RBFOX1: variants seen among roughly 807,000 people sequenced by gnomAD.
The protein encoded by RBFOX1 is RNA binding fox-1 homolog 1, also known as RNA binding protein fox-1 homolog 1.
A neutral mutation model predicts 57.7 loss-of-function variants in RBFOX1; 8 were observed. That is an observed-to-expected ratio of 0.14 (90% CI 0.08 to 0.25). RBFOX1 has a LOEUF of 0.25. RBFOX1 is among the 10% of genes least tolerant of loss of function. The probability of loss-of-function intolerance (pLI) is 1.00; values close to 1 mark genes in which losing one functional copy is unlikely to be tolerated. For synonymous variants in RBFOX1, 326 were observed against 222.4 expected, an observed-to-expected ratio of 1.47 and a Z score of -4.15; for missense variants, 611 against 548.5, an observed-to-expected ratio of 1.11 and a Z score of -1.14.
At chr16:6,090,093 T>G (rs1249995440) in intron 1 of RBFOX1, 2 of 152,226 alleles carry the variant, frequency 1.3e-5, no homozygotes, top group Non-Finnish European at 2.9e-5. Context: ...GCCTCCTGCA[T>G]GCCTTGGCTC....
Position 5,439,690 on chromosome 16 carries a change from C to T in RBFOX1, c.220-27526C>T, listed in dbSNP as rs149029528. Among the ~76,000 whole-genome samples the T allele has an allele frequency of 6.1e-3, 921 of 152,160 alleles. 12 individuals carry two copies. The highest frequency in any genetic ancestry group is 0.021 in the African/African-American group (853 of 41,514). ...TCACTCCTGGCCTCAAGTGATTCACCCGCCTTGACCTCCCAAAGTGCTGGG... is the reference window on the plus strand; with the variant it reads ...TCACTCCTGGCCTCAAGTGATTCACTCGCCTTGACCTCCCAAAGTGCTGGG... On this transcript the variant is annotated intron_variant, in intron 1 of 2. Transcript: ENST00000585867.
chr16:6,654,459 A>G, intron 2 of RBFOX1, 144 bp from the exon 3 acceptor site: 1 of 631,766 alleles, frequency 1.6e-6, no homozygotes, highest in Non-Finnish European at 2.6e-6. Flanking sequence ...CACTATAAAG[A>G]GCAATGACTC....
At chr16:6,483,899 G>T in intron 2 of RBFOX1, 2 of 1,142,980 alleles carry the variant, frequency 1.7e-6, no homozygotes, top group East Asian at 5.1e-5. Context: ...CGTTTGCAGC[G>T]CGTGAATGGG....
intron 5 of RBFOX1, among the ~76,000 whole-genome samples, chr16:7,569,245 C>T (rs2092501356): frequency 2.0e-5 from 3 of 152,164 alleles, no homozygotes; most frequent in Non-Finnish European, 2.9e-5. Flanking sequence ...TATTAGGTTA[C>T]AGTTCTGGAG....
chr16:6,991,571 C>G (rs908596847), intron 3 of RBFOX1, among the ~76,000 whole-genome samples: 3 of 152,174 alleles, frequency 2.0e-5, no homozygotes. Context: ...GGGTCCCACT[C>G]TGTCACCCAG....
chr16:7,207,208 C>T (rs140942970), intron 4 of RBFOX1, among the ~76,000 whole-genome samples: 2 of 152,294 alleles, frequency 1.3e-5, no homozygotes, highest in Non-Finnish European at 2.9e-5. Flanking sequence ...TCTTCCGTAG[C>T]TGCTCATTTT....
intron 3 of RBFOX1, among the ~76,000 whole-genome samples, chr16:6,851,159 C>G (rs1033094981): frequency 4.6e-5 from 7 of 152,166 alleles, no homozygotes; most frequent in Non-Finnish European, 8.8e-5. Context: ...TGTCCAGTCT[C>G]AGCAATCATT....
At chr16:6,226,946 T>C (rs1237869716) in intron 1 of RBFOX1, among the ~76,000 whole-genome samples, 1 of 101,042 alleles carries the variant, frequency 9.9e-6, no homozygotes, top group African/African-American at 3.6e-5. Context: ...CCATCTCTAC[T>C]AAAAAAAAAA....
intron 3 of RBFOX1, among the ~76,000 whole-genome samples, chr16:5,771,183 G>A (rs528739098): frequency 1.1e-4 from 16 of 152,330 alleles, no homozygotes; most frequent in Middle Eastern, 3.4e-3. Flanking sequence ...TAGACACAGC[G>A]GGGCTACCCC....
chr16:6,214,615 G>C (rs1327130473), intron 1 of RBFOX1, among the ~76,000 whole-genome samples: 3 of 126,700 alleles, frequency 2.4e-5, no homozygotes, highest in Non-Finnish European at 5.0e-5. Context: ...GAGGGAGAAG[G>C]AGAGGGAGAA....
chr16:6,597,275 G>A lies in RBFOX1; in HGVS notation c.-63-57328G>A, dbSNP rs554667074. Among the ~76,000 whole-genome samples the A allele has an allele frequency of 5.9e-5, 9 of 152,248 alleles. No individual in the cohort carries two copies. In the South Asian group the frequency reaches 1.7e-3, roughly 28 times the overall value. ...CACCTAGACTTTGTTTTGCAGTAAT[G>A]TGTGCCAGTTTTATACCCTAAAGCC... On this transcript the variant is annotated intron_variant, in intron 2 of 15. Transcript: ENST00000550418.
At chr16:6,179,206 G>C (rs1598109415) in intron 1 of RBFOX1, among the ~76,000 whole-genome samples, 1 of 152,134 alleles carries the variant, frequency 6.6e-6, no homozygotes, top group African/African-American at 2.4e-5. Context: ...ACGACAGTGG[G>C]GCTGTCTTCT....
At chr16:5,784,347 A>C (rs1050988647) in intron 3 of RBFOX1, among the ~76,000 whole-genome samples, 5 of 152,152 alleles carry the variant, frequency 3.3e-5, no homozygotes, top group Non-Finnish European at 7.3e-5. Context: ...GAATGGCGTG[A>C]ACCCAGGAGG....
intron 5 of RBFOX1, among the ~76,000 whole-genome samples, chr16:7,549,168 C>A (rs545816976): frequency 2.5e-4 from 38 of 152,206 alleles, no homozygotes; most frequent in Non-Finnish European, 4.4e-4. Flanking sequence ...TATGCCAAGG[C>A]CTTGAGGTGG....
At chr16:6,273,340 G>GTTTTTT (rs544640090) in intron 1 of RBFOX1, among the ~76,000 whole-genome samples, 3 of 89,882 alleles carry the variant, frequency 3.3e-5, no homozygotes, top group South Asian at 4.6e-4. Flanking sequence ...GTTGTTGTTG[G>GTTTTTT]TTTTTTTTTT....
chr16:6,983,318 C>G (rs1024654972), intron 3 of RBFOX1, among the ~76,000 whole-genome samples: 1 of 152,042 alleles, frequency 6.6e-6, no homozygotes, highest in Non-Finnish European at 1.5e-5. Context: ...TCCATTATTT[C>G]TTTAGCCGTA....
chr16:6,094,402 C>A (rs1363119891), intron 1 of RBFOX1, among the ~76,000 whole-genome samples: 1 of 152,180 alleles, frequency 6.6e-6, no homozygotes, highest in Non-Finnish European at 1.5e-5. Context: ...GGAACAGTTT[C>A]TATGTAAAAC....
At chr16:5,382,683 C>A (rs1176009335) in intron 1 of RBFOX1, among the ~76,000 whole-genome samples, 5 of 152,276 alleles carry the variant, frequency 3.3e-5, no homozygotes, top group East Asian at 1.9e-4. Context: ...GTGCTGACCT[C>A]ATTTAATTAT....
rs185849707 is a variant in RBFOX1, at chr16:7,712,154, T to A, written c.*1409T>A. ...TTTGTCTGTACTTCTGTTTGAACTTTCCACGTTGTCCTGTTTACAAGTTAA... is the reference window on the plus strand; with the variant it reads ...TTTGTCTGTACTTCTGTTTGAACTTACCACGTTGTCCTGTTTACAAGTTAA... On this transcript the variant is annotated 3_prime_UTR_variant, in exon 16 of 16. Coordinates refer to ENST00000550418, the MANE Select transcript of RBFOX1 (RefSeq NM_018723.4). The A allele has an allele frequency of 4.0e-4, 61 of 152,784 alleles. No individual in the cohort carries two copies. Among genetic ancestry groups the A allele is most frequent in the African/African-American group, 1.4e-3 (58 of 41,588 alleles). The allele number at this position is 152,784 out of a possible 1,614,324, so 9.5% of individuals were successfully genotyped here.
Sources: allele counts gnomAD v4.1 joint callset (sites outside exome capture counted in the v4.1 genomes callset), GRCh38; gene constraint gnomAD v4.1.1; transcripts MANE v1.5; gene names NCBI Gene and HGNC (gene_info 2026-07-23, HGNC 2026-07-21).